The following ANOS1 variants were observed in gnomAD, a reference collection of about 807,000 sequenced individuals.
ANOS1 encodes anosmin-1.
ANOS1 carries 6 observed loss-of-function variants against 59.0 expected under a neutral mutation model. That is an observed-to-expected ratio of 0.10 (90% CI 0.06 to 0.20). The LOEUF is 0.20. ANOS1 is among the 10% of genes least tolerant of loss of function. The probability of loss-of-function intolerance (pLI) is 1.00; values close to 1 mark genes in which losing one functional copy is unlikely to be tolerated. For synonymous variants in ANOS1, 217 were observed against 223.4 expected, an observed-to-expected ratio of 0.97 and a Z score of 0.25; for missense variants, 433 against 542.3, an observed-to-expected ratio of 0.80 and a Z score of 2.00.
intron 6 of ANOS1, among the ~76,000 whole-genome samples, chrX:8,576,186 T>C (rs1930317868): frequency 9.0e-6 from 1 of 110,838 alleles, no homozygotes; most frequent in Non-Finnish European, 1.9e-5. Flanking sequence ...GTGATTCTCC[T>C]CTGTAAACCA....
intron 1 of ANOS1, among the ~76,000 whole-genome samples, chrX:8,722,279 T>G (rs1437793890): frequency 9.0e-6 from 1 of 111,459 alleles, no homozygotes; most frequent in East Asian, 2.8e-4. Context: ...AGTGGTGACT[T>G]GTGAGATTTT....
intron 2 of ANOS1, among the ~76,000 whole-genome samples, chrX:8,641,852 C>A (rs1002650477): frequency 1.8e-5 from 2 of 108,548 alleles, no homozygotes; most frequent in Non-Finnish European, 3.8e-5. Context: ...TCCATTCTGC[C>A]GGGTTTTTTT....
intron 1 of ANOS1, among the ~76,000 whole-genome samples, chrX:8,730,835 G>C (rs1932968183): frequency 8.9e-6 from 1 of 112,659 alleles, no homozygotes; most frequent in Admixed American, 9.3e-5. Context: ...TTCAGAGCTC[G>C]CACGCTCGAC....
chrX:8,710,897 C>T (rs1014810284), intron 1 of ANOS1, among the ~76,000 whole-genome samples: 30 of 112,188 alleles, frequency 2.7e-4, no homozygotes, highest in African/African-American at 8.7e-4. Context: ...CAGGGACCAT[C>T]CTGCCTGAGT....
chrX:8,720,793 GT>G (rs1932870273), intron 1 of ANOS1, among the ~76,000 whole-genome samples: 1 of 111,232 alleles, frequency 9.0e-6, no homozygotes, highest in African/African-American at 3.3e-5. Flanking sequence ...AGGTACGGGG[GT>G]GTAACACACC....
At chrX:8,726,397 T>C (rs139740041) in intron 1 of ANOS1, among the ~76,000 whole-genome samples, 1 of 111,743 alleles carries the variant, frequency 8.9e-6, no homozygotes, top group East Asian at 2.8e-4. Context: ...TTAACATCAG[T>C]ACAATTCTGG....
chrX:8,730,000 T>C lies in ANOS1; in HGVS notation c.207+1830A>G, dbSNP rs1389114875. ...CAGGATTGTCTAGCAATGTGCATTC[T>C]GTCAGCAGTTTTTCTTCCAAAGAGA... On this transcript the variant is annotated intron_variant, in intron 1 of 13. Coordinates refer to ENST00000262648, the MANE Select transcript of ANOS1 (RefSeq NM_000216.4). Among the ~76,000 whole-genome samples, 3 of 111,606 alleles carry C rather than the reference T, an allele frequency of 2.7e-5. No individual in the cohort carries two copies. In the Admixed American group the frequency reaches 2.9e-4, roughly 11 times the overall value.
intron 2 of ANOS1, among the ~76,000 whole-genome samples, chrX:8,624,271 C>T (rs1931353506): frequency 9.0e-6 from 1 of 111,217 alleles, no homozygotes; most frequent in Non-Finnish European, 1.9e-5. Context: ...CCGTCTCAGC[C>T]TCCCAAACTG....
chrX:8,695,675 C>T (rs181869695), intron 2 of ANOS1, among the ~76,000 whole-genome samples: 39 of 94,718 alleles, frequency 4.1e-4, no homozygotes, highest in Non-Finnish European at 7.3e-4. Context: ...GGAAGTTACA[C>T]TATTCACAGT....
intron 3 of ANOS1, among the ~76,000 whole-genome samples, chrX:8,617,735 C>T (rs1188566889): frequency 2.7e-5 from 3 of 109,991 alleles, no homozygotes; most frequent in Admixed American, 9.7e-5. Flanking sequence ...GAGCTGAGAC[C>T]GAGCCACTGC....
chrX:8,723,850 T>C (rs1331450733), intron 1 of ANOS1, among the ~76,000 whole-genome samples: 1 of 111,682 alleles, frequency 9.0e-6, no homozygotes, highest in Non-Finnish European at 1.9e-5. Flanking sequence ...TGCCATGTAG[T>C]ACTGTCGTTA....
intron 3 of ANOS1, among the ~76,000 whole-genome samples, chrX:8,609,428 G>A (rs1288142332): frequency 9.0e-6 from 1 of 111,624 alleles, no homozygotes; most frequent in East Asian, 2.8e-4. Context: ...TTCACTTTTC[G>A]ATGTAAAGAG....
intron 2 of ANOS1, among the ~76,000 whole-genome samples, chrX:8,661,264 T>C (rs1932033479): frequency 9.1e-6 from 1 of 110,044 alleles, no homozygotes; most frequent in South Asian, 4.0e-4. Flanking sequence ...ACAACAGACA[T>C]TTACTCTCCC....
At chrX:8,635,445 G>A (rs917210746) in intron 2 of ANOS1, among the ~76,000 whole-genome samples, 2 of 111,746 alleles carry the variant, frequency 1.8e-5, no homozygotes, top group South Asian at 3.7e-4. Context: ...TGATGTTGGT[G>A]TTTTGCCAAG....
intron 8 of ANOS1, among the ~76,000 whole-genome samples, chrX:8,560,496 C>A (rs188008527): frequency 4.5e-4 from 51 of 112,398 alleles, no homozygotes; most frequent in African/African-American, 1.6e-3. Context: ...ACCCCCCAAA[C>A]AGCCGGACAT....
At chrX:8,534,084 G>A (rs1294282615) in intron 13 of ANOS1, among the ~76,000 whole-genome samples, 2 of 108,755 alleles carry the variant, frequency 1.8e-5, no homozygotes, top group Admixed American at 2.0e-4. Context: ...GGGGAAGAGG[G>A]AGGGAGGGAG....
At chrX:8,557,048 G>C (rs1336695738) in intron 8 of ANOS1, among the ~76,000 whole-genome samples, 2 of 111,630 alleles carry the variant, frequency 1.8e-5, no homozygotes, top group Non-Finnish European at 3.8e-5. Flanking sequence ...TCTGATCTTT[G>C]ACAAACCTGA....
intron 3 of ANOS1, among the ~76,000 whole-genome samples, chrX:8,609,433 A>G (rs1349451894): frequency 8.9e-6 from 1 of 111,825 alleles, no homozygotes; most frequent in Non-Finnish European, 1.9e-5. Flanking sequence ...TTTTCGATGT[A>G]AAGAGCCAAA....
intron 2 of ANOS1, among the ~76,000 whole-genome samples, chrX:8,651,564 T>C (rs1287374501): frequency 1.8e-5 from 2 of 112,321 alleles, no homozygotes; most frequent in Non-Finnish European, 3.8e-5. Flanking sequence ...CAGGAGTTTG[T>C]CTGAGAGATA....
Sources: gnomAD v4.1 joint callset for allele counts (sites outside exome capture counted in the v4.1 genomes callset) on GRCh38, gnomAD v4.1.1 for gene constraint, MANE v1.5 for transcripts, NCBI Gene and HGNC (gene_info 2026-07-23, HGNC 2026-07-21) for gene names.